C13orf46: variants seen among roughly 807,000 people sequenced by gnomAD.
C13orf46 encodes the protein chromosome 13 open reading frame 46, also known as uncharacterized protein C13orf46.
At chr13:113,942,662 C>T in the C13orf46 span, among the ~76,000 whole-genome samples, 14 of 152,160 alleles carry the variant, frequency 9.2e-5, no homozygotes, top group Admixed American at 3.3e-4. Flanking sequence ...GACGCGGGCA[C>T]GGGCAACCAG....
At chr13:113,939,309 C>A in the C13orf46 span, among the ~76,000 whole-genome samples, 3 of 152,122 alleles carry the variant, frequency 2.0e-5, no homozygotes. Flanking sequence ...TGCAGGCAAC[C>A]CAGAGCCAGA....
chr13:113,951,447 G>A (rs895727345), downstream of C13orf46, among the ~76,000 whole-genome samples: 3 of 152,190 alleles, frequency 2.0e-5, no homozygotes, highest in East Asian at 3.9e-4. Context: ...GGCTCTGCCC[G>A]GCCACACAGT....
the C13orf46 span, among the ~76,000 whole-genome samples, chr13:113,948,499 C>T: frequency 2.0e-5 from 3 of 152,348 alleles, no homozygotes; most frequent in African/African-American, 7.2e-5. Flanking sequence ...CCACTGGGAA[C>T]TGGGCCACGA....
intron 1 of C13orf46, among the ~76,000 whole-genome samples, chr13:113,972,028 A>G (rs1262965491): frequency 6.6e-6 from 1 of 152,064 alleles, no homozygotes; most frequent in Non-Finnish European, 1.5e-5. Flanking sequence ...GCCACACAGA[A>G]GCCCGGCCTC....
intron 5 of C13orf46, among the ~76,000 whole-genome samples, chr13:113,965,729 T>C (rs1369963243): frequency 8.1e-6 from 1 of 122,978 alleles, no homozygotes; most frequent in East Asian, 2.2e-4. Context: ...GTGGTGATGA[T>C]GGTGAAGGTG....
intron 5 of C13orf46, among the ~76,000 whole-genome samples, chr13:113,966,033 AGTGATGGTGATGATGATGCTG>A (rs1196288462): frequency 7.0e-6 from 1 of 142,424 alleles, no homozygotes; most frequent in Non-Finnish European, 1.5e-5. Flanking sequence ...TGGTCATGAT[AGTGATGGTGATGATGATGCTG>A]GTGATGGGAA....
intron 1 of C13orf46, among the ~76,000 whole-genome samples, chr13:113,971,708 G>A (rs910554901): frequency 2.6e-5 from 4 of 152,202 alleles, no homozygotes; most frequent in Non-Finnish European, 1.5e-5. Context: ...ACACATCCGG[G>A]CACCTGTGGG....
chr13:113,936,687 C>T, the C13orf46 span, among the ~76,000 whole-genome samples: 48 of 152,020 alleles, frequency 3.2e-4, no homozygotes, highest in African/African-American at 4.6e-4. Context: ...GGAAGAGAGT[C>T]GGGTGGGTAG....
chr13:113,953,550 C>T (rs943150758), downstream of C13orf46, among the ~76,000 whole-genome samples: 13 of 152,270 alleles, frequency 8.5e-5, no homozygotes, highest in Admixed American at 3.3e-4. Context: ...GGCAAAGGCG[C>T]GTCTGACTCT....
intron 5 of C13orf46, among the ~76,000 whole-genome samples, chr13:113,966,155 G>A (rs933098413): frequency 3.3e-4 from 43 of 131,728 alleles, no homozygotes; most frequent in East Asian, 4.3e-4. Flanking sequence ...CAATGGTGAC[G>A]GTGATAGTGG....
chr13:113,939,368 C>CAGACCACCCGATGGGGAGGACAG, the C13orf46 span, among the ~76,000 whole-genome samples: 5 of 146,608 alleles, frequency 3.4e-5, no homozygotes, highest in East Asian at 6.3e-4. Flanking sequence ...GGGGAGGATG[C>CAGACCACCCGATGGGGAGGACAG]AGACCACCCG....
chr13:113,939,460 G>T, the C13orf46 span, among the ~76,000 whole-genome samples: 3 of 151,988 alleles, frequency 2.0e-5, no homozygotes, highest in Admixed American at 1.3e-4. Flanking sequence ...TGGGAAGATG[G>T]GGGCCACCTG....
chr13:113,949,708 C>T (rs2052481627), downstream of C13orf46, among the ~76,000 whole-genome samples: 1 of 152,236 alleles, frequency 6.6e-6, no homozygotes, highest in South Asian at 2.1e-4. Context: ...TCTGCCAGTC[C>T]TGTGCCTGGC....
downstream of C13orf46, among the ~76,000 whole-genome samples, chr13:113,949,923 T>G (rs1566411340): frequency 2.7e-5 from 4 of 150,860 alleles, no homozygotes; most frequent in East Asian, 8.0e-4. Context: ...CTCAAAGACC[T>G]CAGTGCTCCC....
chr13:113,945,563 AAGAAAGAAAGAAAGAG>A, the C13orf46 span, among the ~76,000 whole-genome samples: 2 of 100,266 alleles, frequency 2.0e-5, no homozygotes, highest in East Asian at 2.1e-4. Flanking sequence ...GAAAGAAAGA[AAGAAAGAAAGAAAGAG>A]AGAGAGAGAG....
chr13:113,945,673 G>GA, the C13orf46 span, among the ~76,000 whole-genome samples: 7 of 116,122 alleles, frequency 6.0e-5, no homozygotes, highest in Admixed American at 1.6e-4. Flanking sequence ...AGAAAGAAAG[G>GA]AAAGAAAAAC....
Position 113,955,387 on chromosome 13 carries a change from G to A in C13orf46, c.*1386C>T, listed in dbSNP as rs1325738136. On this transcript the variant is annotated 3_prime_UTR_variant, in exon 7 of 7. Transcript: ENST00000636427. ...CATCCGGCGGAGAGGAGGAGCATCC[G>A]GCGGAGACGAGGAGCATCCGGCGGT... is the stretch of plus-strand genomic sequence containing the variant. 4.0e-4 allele frequency: 67 copies of A among 167,322 alleles called. No homozygotes were observed. The highest frequency in any genetic ancestry group is 6.3e-3 in the Middle Eastern group (2 of 320). The allele number at this position is 167,322 out of a possible 1,614,324, so 10.4% of individuals were successfully genotyped here.
At chr13:113,951,449 C>A (rs2052488269), downstream of C13orf46, among the ~76,000 whole-genome samples, 1 of 152,184 alleles carries the variant, frequency 6.6e-6, no homozygotes, top group African/African-American at 2.4e-5. Context: ...CTCTGCCCGG[C>A]CACACAGTGC....
At chr13:113,973,171 G>A (rs2052726833) in intron 1 of C13orf46, among the ~76,000 whole-genome samples, 1 of 152,258 alleles carries the variant, frequency 6.6e-6, no homozygotes, top group Non-Finnish European at 1.5e-5. Flanking sequence ...AAGAGCTGCA[G>A]AGATAAACGG....
Sources: gnomAD v4.1 joint callset for allele counts (sites outside exome capture counted in the v4.1 genomes callset) on GRCh38, gnomAD v4.1.1 for gene constraint, MANE v1.5 for transcripts, NCBI Gene and HGNC (gene_info 2026-07-23, HGNC 2026-07-21) for gene names.